The following BPNT1 variants were observed in gnomAD, a reference collection of about 807,000 sequenced individuals.
BPNT1 encodes 3'(2'),5'-bisphosphate nucleotidase 1.
BPNT1 carries 28 observed loss-of-function variants against 36.9 expected under a neutral mutation model. The observed-to-expected ratio is 0.76, with a 90% CI of 0.56 to 1.04. BPNT1 has a LOEUF of 1.04. Ranked by LOEUF, BPNT1 falls within the 50% of genes least tolerant of loss-of-function variation. BPNT1 has a pLI of 0.00. For synonymous variants in BPNT1, 119 were observed against 130.9 expected (o/e 0.91, Z 0.62); for missense variants, 313 against 372.9 (o/e 0.84, Z 1.32).
intron 1 of BPNT1, among the ~76,000 whole-genome samples, chr1:220,082,681 G>A (rs184489415): frequency 2.6e-3 from 392 of 151,786 alleles, no homozygotes; most frequent in African/African-American, 9.0e-3. Context: ...CTGTCTCCCA[G>A]GCTCAAGTGA....
At chr1:220,082,085 T>TATATAG (rs1171093697) in intron 1 of BPNT1, among the ~76,000 whole-genome samples, 165 of 103,272 alleles carry the variant, frequency 1.6e-3, no homozygotes, top group East Asian at 0.013. Flanking sequence ...TATATATATA[T>TATATAG]AGAGAGAGAG....
rs1388190802 is a variant in BPNT1 at position 220,074,021 on chromosome 1, G to C, written c.171C>G (p.Ser57Arg). The C allele has an allele frequency of 6.2e-7, 1 of 1,614,136 alleles. No homozygotes were observed. The highest frequency in any genetic ancestry group is 8.5e-7 in the Non-Finnish European group (1 of 1,180,018). The change falls in exon 3 of 9, where the codon AGC becomes AGG. Residue 57 changes from serine (S) to arginine (R), a missense_variant. By Grantham distance (110) the Ser-to-Arg change is moderately radical. Coordinates refer to ENST00000322067, the MANE Select transcript of BPNT1 (RefSeq NM_006085.6). Reference protein sequence around the residue: ...QTKADRLAQMSICSSLARKFP... With the variant: ...QTKADRLAQMRICSSLARKFP... ...ATTTCCGGGCCAATGAAGAACATAT[G>C]CTCATCTGTGCCAATCGGTCAGCTT...
rs1481845702 is a variant in BPNT1, at chr1:220,089,780, A to C, written c.-103T>G. 2.0e-5 allele frequency: 3 copies of C among 152,258 alleles called. No individual in the cohort carries two copies. The highest frequency in any genetic ancestry group is 2.0e-4 in the Admixed American group (3 of 15,282). The allele number at this position is 152,258 out of a possible 1,614,324, so 9.4% of individuals were successfully genotyped here. On this transcript the variant is annotated 5_prime_UTR_variant, in exon 1 of 9. Coordinates refer to ENST00000322067, the MANE Select transcript of BPNT1 (RefSeq NM_006085.6). Reference sequence around the variant, plus strand: ...GTTGTGTCCAGTACCGAGCTTTGGCACTGTCAATAAGTCTTTTGAGAAGGA... The same window carrying C: ...GTTGTGTCCAGTACCGAGCTTTGGCCCTGTCAATAAGTCTTTTGAGAAGGA...
chr1:220,063,888 C>T (rs1479249889), intron 6 of BPNT1, among the ~76,000 whole-genome samples: 1 of 151,978 alleles, frequency 6.6e-6, no homozygotes, highest in Non-Finnish European at 1.5e-5. Context: ...TATAACTATA[C>T]ACTTGATATA....
At chr1:220,074,355 T>C (rs1271432351) in intron 2 of BPNT1, among the ~76,000 whole-genome samples, 9 of 152,220 alleles carry the variant, frequency 5.9e-5, no homozygotes, top group Admixed American at 5.2e-4. Context: ...GGTTAAGAGA[T>C]AGGAAATGTA....
chr1:220,081,275 A>C (rs1655093355), intron 1 of BPNT1, among the ~76,000 whole-genome samples: 1 of 152,080 alleles, frequency 6.6e-6, no homozygotes, highest in Non-Finnish European at 1.5e-5. Context: ...GGGCACGGTG[A>C]CTAACGCCTG....
chr1:220,061,304 T>C (rs1398901983), intron 7 of BPNT1, among the ~76,000 whole-genome samples: 1 of 152,176 alleles, frequency 6.6e-6, no homozygotes, highest in Non-Finnish European at 1.5e-5. Flanking sequence ...TATCAAACTT[T>C]CATTAGTCAA....
intron 4 of BPNT1, among the ~76,000 whole-genome samples, chr1:220,070,407 G>A (rs574405644): frequency 1.8e-4 from 27 of 152,018 alleles, no homozygotes; most frequent in East Asian, 5.8e-4. Flanking sequence ...GTGCAGTGGC[G>A]CGATCTCGGC....
intron 6 of BPNT1, chr1:220,066,085 C>G (rs2102655571): frequency 1.3e-6 from 2 of 1,523,390 alleles, no homozygotes; most frequent in East Asian, 2.5e-5. Flanking sequence ...TTGCTTCATT[C>G]CTGTGTTCCC....
At chr1:220,064,145 G>A (rs1196495213) in intron 6 of BPNT1, among the ~76,000 whole-genome samples, 1 of 152,150 alleles carries the variant, frequency 6.6e-6, no homozygotes, top group Non-Finnish European at 1.5e-5. Context: ...AAAATGAAAT[G>A]TGGAACCATT....
intron 7 of BPNT1, among the ~76,000 whole-genome samples, chr1:220,062,452 G>A (rs1050768599): frequency 2.0e-5 from 3 of 152,044 alleles, no homozygotes; most frequent in East Asian, 1.9e-4. Flanking sequence ...TTTCATCCAC[G>A]TCCTTACAAA....
Position 220,069,430 on chromosome 1 carries a change from G to T in BPNT1, c.336C>A (p.Leu112=). Residue 112 remains leucine (L), a splice_region_variant and synonymous_variant, in exon 5 of 9, where the codon CTC becomes CTA. Transcript: ENST00000322067. ...SQYSAIKEED[L]VVWVDPLDGT... ...CATCCAGAGGATCAACCCAGACCACGAGCTAAAATTAAAAAGAGAGAAGGA... is the reference window on the plus strand; with the variant it reads ...CATCCAGAGGATCAACCCAGACCACTAGCTAAAATTAAAAAGAGAGAAGGA... The T allele has an allele frequency of 6.3e-7, 1 of 1,599,204 alleles. No individual in the cohort carries two copies. Among genetic ancestry groups the T allele is most frequent in the Non-Finnish European group, 8.5e-7 (1 of 1,173,784 alleles).
At chr1:220,070,250 C>T (rs552719022) in intron 4 of BPNT1, among the ~76,000 whole-genome samples, 1 of 152,270 alleles carries the variant, frequency 6.6e-6, no homozygotes, top group East Asian at 1.9e-4. Flanking sequence ...TAATATGATT[C>T]AGGATATGCT....
intron 4 of BPNT1, among the ~76,000 whole-genome samples, chr1:220,071,219 G>T (rs1664034818): frequency 6.6e-6 from 1 of 152,000 alleles, no homozygotes; most frequent in Admixed American, 6.6e-5. Context: ...CTTATTCATA[G>T]TAAGTCTCCA....
At chr1:220,063,222 C>T (rs180774513) in intron 6 of BPNT1, among the ~76,000 whole-genome samples, 3 of 152,162 alleles carry the variant, frequency 2.0e-5, no homozygotes, top group African/African-American at 7.2e-5. Flanking sequence ...GTGGTGGGTG[C>T]CTGTAGTCCC....
intron 1 of BPNT1, among the ~76,000 whole-genome samples, chr1:220,088,664 C>T (rs1265540833): frequency 1.3e-5 from 2 of 151,240 alleles, no homozygotes; most frequent in East Asian, 3.9e-4. Context: ...GTGGCACATG[C>T]CTGTAGTCCC....
intron 2 of BPNT1, among the ~76,000 whole-genome samples, chr1:220,078,094 G>A (rs1664719702): frequency 6.7e-6 from 1 of 150,366 alleles, no homozygotes; most frequent in African/African-American, 2.5e-5. Context: ...AGGGTCCTTT[G>A]AGCCCAGAGC....
intron 4 of BPNT1, among the ~76,000 whole-genome samples, chr1:220,069,837 GAGGC>G (rs1229044048): frequency 1.3e-5 from 2 of 152,068 alleles, no homozygotes; most frequent in African/African-American, 4.8e-5. Flanking sequence ...TCAGTAGGCT[GAGGC>G]AGGAGAATCA....
At chr1:220,084,052 G>A (rs1291414353) in intron 1 of BPNT1, among the ~76,000 whole-genome samples, 1 of 152,082 alleles carries the variant, frequency 6.6e-6, no homozygotes, top group Non-Finnish European at 1.5e-5. Context: ...GAGAAATAGG[G>A]CGGGGCGCAG....
Sources: allele counts gnomAD v4.1 joint callset (sites outside exome capture counted in the v4.1 genomes callset), GRCh38; gene constraint gnomAD v4.1.1; transcripts MANE v1.5; gene names NCBI Gene and HGNC (gene_info 2026-07-23, HGNC 2026-07-21).